PKP4: variants seen among roughly 807,000 people sequenced by gnomAD.
PKP4 encodes plakophilin 4.
Under a neutral mutation model 145.1 loss-of-function variants are expected in PKP4, and 90 were observed. That is an observed-to-expected ratio of 0.62 (90% confidence interval 0.52 to 0.74). The LOEUF (loss-of-function observed/expected upper bound fraction) is 0.74, where lower values mean the gene tolerates loss of function less well. Among genes scored for constraint, PKP4 ranks in the 30% least tolerant of loss-of-function variants. The pLI, the probability that PKP4 is intolerant of heterozygous loss-of-function variation, is 0.00. For missense variants in PKP4, 1,340 were observed against 1,482.7 expected (o/e 0.90, Z 1.58); for synonymous variants, 563 against 577.2 (o/e 0.98, Z 0.35).
intron 7 of PKP4, among the ~76,000 whole-genome samples, chr2:158,627,387 T>C (rs2052903450): frequency 6.6e-6 from 1 of 152,112 alleles, no homozygotes; most frequent in African/African-American, 2.4e-5. Context: ...AGAGGACTCA[T>C]TTCCTCTGGT....
At position 158,666,447 on chromosome 2, in the gene PKP4, A is replaced by G. The variant is rs145804900; in HGVS notation, c.2612A>G (p.Glu871Gly). 14 of 1,608,554 alleles carry G rather than the reference A, an allele frequency of 8.7e-6. No homozygotes were observed. In the Admixed American group the frequency reaches 2.4e-4, roughly 27 times the overall value. Residue 871 changes from glutamate to glycine, a missense_variant, in exon 16 of 22, where the codon GAA (glutamate) becomes GGA (glycine). Transcript: ENST00000389759. ...TATATCCGGGCGGCCGTCCGAAAAG[A>G]AAAGGGGCTCCCCATCCTTGTGGAG... Reference protein sequence around the residue: ...AAYIRAAVRKEKGLPILVELL... With the variant: ...AAYIRAAVRKGKGLPILVELL...
chr2:158,646,812 C>T (rs771466574), intron 11 of PKP4, among the ~76,000 whole-genome samples: 202 of 152,222 alleles, frequency 1.3e-3, no homozygotes, highest in Admixed American at 1.0e-3. Flanking sequence ...ACAAAGTAGC[C>T]GCCATCACAT....
chr2:158,488,018 A>G (rs1215901982), intron 1 of PKP4, among the ~76,000 whole-genome samples: 1 of 152,204 alleles, frequency 6.6e-6, no homozygotes, highest in African/African-American at 2.4e-5. Context: ...TTCTTTGCAC[A>G]GGATCAAGCT....
chr2:158,470,511 A>T (rs181656137), intron 1 of PKP4, among the ~76,000 whole-genome samples: 4 of 152,326 alleles, frequency 2.6e-5, no homozygotes, highest in Admixed American at 2.6e-4. Context: ...AAGCGCAGAG[A>T]TCCTACTCTG....
chr2:158,644,716 T>G (rs1444680975), intron 11 of PKP4, among the ~76,000 whole-genome samples: 1 of 152,186 alleles, frequency 6.6e-6, no homozygotes, highest in East Asian at 1.9e-4. Flanking sequence ...CTAATTGGAA[T>G]AATAAAAATA....
chr2:158,642,618 A>G lies in PKP4; in HGVS notation c.1828A>G (p.Met610Val), dbSNP rs1470265797. ...GTCTACAGATGAAAATAAAATAGCA[A>G]TGAAGAATGTTGGTGGGATACCTGC... ...GKSTDENKIA[M>V]KNVGGIPALL... is the part of the protein sequence containing the mutation. The change falls in exon 11 of 22, where the codon ATG becomes GTG. Residue 610 changes from methionine to valine, a missense_variant. By Grantham distance (21) the Met-to-Val change is conservative. Coordinates refer to ENST00000389759, the MANE Select transcript of PKP4 (RefSeq NM_003628.6). The G allele has an allele frequency of 1.2e-6, 2 of 1,613,618 alleles. No individual in the cohort carries two copies. Among genetic ancestry groups the G allele is most frequent in the Admixed American group, 1.7e-5 (1 of 59,976 alleles).
intron 11 of PKP4, among the ~76,000 whole-genome samples, chr2:158,645,678 A>C (rs2054755834): frequency 6.6e-6 from 1 of 152,138 alleles, no homozygotes; most frequent in African/African-American, 2.4e-5. Context: ...CGATCCTTAC[A>C]TCCTTAATGT....
chr2:158,470,623 A>G (rs569296819), intron 1 of PKP4, among the ~76,000 whole-genome samples: 1 of 152,370 alleles, frequency 6.6e-6, no homozygotes, highest in Non-Finnish European at 1.5e-5. Context: ...AATCTAAGGA[A>G]GGAAAGGCAT....
chr2:158,631,979 T>C, intron 8 of PKP4, 38 bp downstream of exon 8: 1 of 1,572,192 alleles, frequency 6.4e-7, no homozygotes. Flanking sequence ...CCTGATTTCA[T>C]AGGCCCCACA....
At chr2:158,643,712 C>CAAAAAAA (rs762303684) in intron 11 of PKP4, among the ~76,000 whole-genome samples, 4 of 69,770 alleles carry the variant, frequency 5.7e-5, no homozygotes, top group Admixed American at 1.8e-4. Flanking sequence ...GGCCCTGTTT[C>CAAAAAAA]AAAAAAAAAA....
chr2:158,673,539 G>A (rs1242001699), intron 17 of PKP4, 138 bp from the exon 18 acceptor site: 2 of 671,130 alleles, frequency 3.0e-6, no homozygotes, highest in African/African-American at 3.6e-5. Context: ...GTCCCTTTGT[G>A]GTGTGTCCTG....
intron 3 of PKP4, among the ~76,000 whole-genome samples, chr2:158,579,853 A>G (rs776695668): frequency 4.6e-5 from 7 of 151,924 alleles, no homozygotes; most frequent in Non-Finnish European, 1.0e-4. Context: ...AAATATATAT[A>G]TATAGCTATA....
chr2:158,675,235 C>T (rs866755312), intron 19 of PKP4, among the ~76,000 whole-genome samples: 1 of 152,030 alleles, frequency 6.6e-6, no homozygotes, highest in Non-Finnish European at 1.5e-5. Flanking sequence ...ATCTGCGGCC[C>T]ATGGGTTTTA....
At chr2:158,495,350 T>TAAAA (rs60436493) in intron 1 of PKP4, among the ~76,000 whole-genome samples, 1 of 139,498 alleles carries the variant, frequency 7.2e-6, no homozygotes, top group Non-Finnish European at 1.6e-5. Flanking sequence ...TCTGGAGAGT[T>TAAAA]AAAAAAAAAA....
intron 1 of PKP4, among the ~76,000 whole-genome samples, chr2:158,476,336 T>C (rs1692470893): frequency 6.6e-6 from 1 of 152,166 alleles, no homozygotes; most frequent in Non-Finnish European, 1.5e-5. Flanking sequence ...TTTTTAAGTT[T>C]TATTTTATTT....
chr2:158,552,706 G>A (rs78212774), intron 2 of PKP4, among the ~76,000 whole-genome samples: 347 of 152,274 alleles, frequency 2.3e-3, no homozygotes, highest in Non-Finnish European at 4.2e-3. Flanking sequence ...TTCCAATAAA[G>A]TGAGACATAA....
At chr2:158,629,606 T>C (rs2053158234) in intron 7 of PKP4, among the ~76,000 whole-genome samples, 2 of 152,356 alleles carry the variant, frequency 1.3e-5, no homozygotes, top group Non-Finnish European at 2.9e-5. Context: ...TTTATGCATG[T>C]GTTAACTTTC....
At chr2:158,651,705 A>G (rs1051354803) in intron 11 of PKP4, among the ~76,000 whole-genome samples, 1 of 151,758 alleles carries the variant, frequency 6.6e-6, no homozygotes, top group African/African-American at 2.4e-5. Flanking sequence ...AAAACATCCA[A>G]GGAGAAGCGG....
Position 158,621,371 on chromosome 2 carries a change from A to G in PKP4, c.553A>G (p.Asn185Asp). ...RQQHSFIGST[N>D]NHVVRNSRAE... ...GCAGCATTCATTCATAGGATCAACT[A>G]ACAACCATGTGGTGAGGAATTCAAG... is the stretch of plus-strand genomic sequence containing the variant. Residue 185 changes from asparagine to aspartate, a missense_variant, in exon 6 of 22, where the codon AAC becomes GAC. Transcript: ENST00000389759. 1 of 1,614,178 alleles carries G rather than the reference A, an allele frequency of 6.2e-7. No individual in the cohort carries two copies. The highest frequency in any genetic ancestry group is 8.5e-7 in the Non-Finnish European group (1 of 1,180,008).
Sources: gnomAD v4.1 joint callset for allele counts (sites outside exome capture counted in the v4.1 genomes callset) on GRCh38, gnomAD v4.1.1 for gene constraint, MANE v1.5 for transcripts, NCBI Gene and HGNC (gene_info 2026-07-23, HGNC 2026-07-21) for gene names.